Variants in NCALD observed in about 807,000 individuals in gnomAD.
NCALD encodes neurocalcin delta, also known as neurocalcin-delta.
Under a neutral mutation model 18.6 loss-of-function variants are expected in NCALD, and 10 were observed. That is an observed-to-expected ratio of 0.54 (90% confidence interval 0.33 to 0.91). The LOEUF is 0.91. NCALD is among the 40% of genes least tolerant of loss of function. The pLI, the probability that NCALD is intolerant of heterozygous loss-of-function variation, is 0.03. For synonymous variants in NCALD, 88 were observed against 87.4 expected, an observed-to-expected ratio of 1.01 and a Z score of -0.04; for missense variants, 184 against 247.6, an observed-to-expected ratio of 0.74 and a Z score of 1.72.
At chr8:101,780,666 C>A (rs1314302084) in intron 1 of NCALD, among the ~76,000 whole-genome samples, 1 of 151,800 alleles carries the variant, frequency 6.6e-6, no homozygotes, top group Non-Finnish European at 1.5e-5. Flanking sequence ...CACAACAATG[C>A]GAATGTACTT....
chr8:101,833,866 T>G (rs1192311566), intron 4 of NCALD, among the ~76,000 whole-genome samples: 2 of 152,216 alleles, frequency 1.3e-5, no homozygotes, highest in Non-Finnish European at 2.9e-5. Flanking sequence ...GAAGGAATAG[T>G]TAGCACAAGA....
At chr8:101,980,776 A>G (rs1820591511) in intron 2 of NCALD, among the ~76,000 whole-genome samples, 2 of 152,192 alleles carry the variant, frequency 1.3e-5, no homozygotes, top group Admixed American at 1.3e-4. Flanking sequence ...TTACCCATGA[A>G]AGCAGTGAGT....
intron 3 of NCALD, among the ~76,000 whole-genome samples, chr8:101,912,440 T>C (rs1314952285): frequency 6.6e-6 from 1 of 152,246 alleles, no homozygotes; most frequent in African/African-American, 2.4e-5. Flanking sequence ...AGGGAAATGA[T>C]GATGTATTTA....
At position 101,690,678 on chromosome 8, in the gene NCALD, G is replaced by A. The variant is rs184715858; in HGVS notation, c.485-1272C>T. ...TGAAACCCACTTTATCTCCATGAAG[G>A]AAAAAGATAGGGATGCATTTATTAA... On this transcript the variant is annotated intron_variant, in intron 3 of 3. Transcript: ENST00000220931. 7.3e-5 allele frequency: 72 copies of A among 985,404 alleles called. No homozygotes were observed. The African/African-American group carries it at 1.0e-3, about 14-fold the overall frequency. The allele number at this position is 985,404 out of a possible 1,614,324, so 61.0% of individuals were successfully genotyped here.
intron 1 of NCALD, among the ~76,000 whole-genome samples, chr8:102,121,216 G>C (rs537292409): frequency 3.9e-5 from 6 of 151,988 alleles, no homozygotes; most frequent in Non-Finnish European, 8.8e-5. Context: ...GTGTTTTGTT[G>C]TGTTGTGTTG....
chr8:101,804,336 C>CAATTATATATTATATATAATTATATA lies in NCALD; in HGVS notation c.-20+82804_-20+82805insTATATAATTATATATAATATATAATT, dbSNP rs1563785731. Reference sequence around the variant, plus strand: ...AATTATATATTATATATAATTATATCAATTATATATTATATATAATTATAT... The same window carrying CAATTATATATTATATATAATTATATA: ...AATTATATATTATATATAATTATATCAATTATATATTATATATAATTATATAAATTATATATTATATATAATTATAT... On this transcript the variant is annotated intron_variant, in intron 4 of 6. Transcript: ENST00000311028. Among the ~76,000 whole-genome samples the CAATTATATATTATATATAATTATATA allele has an allele frequency of 3.4e-4, 44 of 131,148 alleles. No homozygotes were observed. In the East Asian group the frequency reaches 5.1e-3, roughly 15 times the overall value. 86.0% of individuals were successfully genotyped at this position (131,148 alleles called of 152,430 possible).
intron 1 of NCALD, among the ~76,000 whole-genome samples, chr8:102,033,343 GA>G (rs1279113164): frequency 6.6e-6 from 1 of 152,092 alleles, no homozygotes; most frequent in Admixed American, 6.6e-5. Flanking sequence ...TATCTTACAG[GA>G]TGTAGTACAT....
At chr8:101,861,898 G>C (rs549116138) in intron 4 of NCALD, among the ~76,000 whole-genome samples, 36 of 152,184 alleles carry the variant, frequency 2.4e-4, no homozygotes, top group Admixed American at 3.9e-4. Context: ...TCCAGGTACT[G>C]TTTATTTTTT....
chr8:101,770,825 G>A (rs1247571468), intron 1 of NCALD, among the ~76,000 whole-genome samples: 1 of 152,172 alleles, frequency 6.6e-6, no homozygotes, highest in African/African-American at 2.4e-5. Context: ...TATGCGGGTT[G>A]AAGACTGTTT....
chr8:101,985,456 G>T (rs1252862455), intron 2 of NCALD, among the ~76,000 whole-genome samples: 2 of 152,162 alleles, frequency 1.3e-5, no homozygotes, highest in Non-Finnish European at 2.9e-5. Flanking sequence ...AAACTTTCCT[G>T]GTAATTCCAA....
At chr8:101,706,580 T>C (rs1459831000) in intron 2 of NCALD, among the ~76,000 whole-genome samples, 6 of 152,246 alleles carry the variant, frequency 3.9e-5, no homozygotes, top group African/African-American at 1.4e-4. Context: ...CCTGTGAATG[T>C]GACCTTGTTT....
At chr8:101,887,216 GA>G (rs1816707857) in exon 4 of NCALD, 1 of 152,148 alleles carries the variant, frequency 6.6e-6, no homozygotes, top group Admixed American at 6.5e-5. Context: ...CAGGAGATCA[GA>G]TGCCTTGCAA....
At chr8:101,911,357 T>A (rs1479497374) in intron 3 of NCALD, among the ~76,000 whole-genome samples, 6 of 142,110 alleles carry the variant, frequency 4.2e-5, no homozygotes, top group Non-Finnish European at 7.5e-5. Flanking sequence ...CTTTTTTTTC[T>A]TTTCTTTTTT....
At chr8:101,914,019 T>G (rs1311451293) in intron 3 of NCALD, among the ~76,000 whole-genome samples, 1 of 152,254 alleles carries the variant, frequency 6.6e-6, no homozygotes, top group Non-Finnish European at 1.5e-5. Flanking sequence ...CATGGTACAT[T>G]TATCACATTT....
intron 3 of NCALD, among the ~76,000 whole-genome samples, chr8:101,888,637 A>G (rs1816762334): frequency 6.6e-6 from 1 of 151,858 alleles, no homozygotes; most frequent in African/African-American, 2.4e-5. Flanking sequence ...GGCTGGTCTC[A>G]AACTCCAGGC....
chr8:101,741,763 CAAAAAAAAAAA>C (rs68064092), intron 1 of NCALD, among the ~76,000 whole-genome samples: 1 of 69,794 alleles, frequency 1.4e-5, no homozygotes, highest in Admixed American at 1.7e-4. Flanking sequence ...CTCATCTCTA[CAAAAAAAAAAA>C]AAAAAAAAAA....
chr8:101,980,641 A>T (rs1012137713), intron 2 of NCALD, among the ~76,000 whole-genome samples: 2 of 152,190 alleles, frequency 1.3e-5, no homozygotes, highest in Non-Finnish European at 2.9e-5. Context: ...TCTTTGGAAG[A>T]CGGTTTTACA....
chr8:101,880,821 G>C (rs1217618097), intron 4 of NCALD, among the ~76,000 whole-genome samples: 1 of 152,192 alleles, frequency 6.6e-6, no homozygotes. Context: ...AAAGTGCAAA[G>C]ATGACCCGGG....
At chr8:101,794,329 G>C (rs6468796), upstream of NCALD, among the ~76,000 whole-genome samples, 121,555 of 152,084 alleles carry the variant, frequency 0.8, 48,725 homozygotes, top group African/African-American at 0.85. Flanking sequence ...CTCAACTATT[G>C]GGAAATAAAT....
Sources: allele counts gnomAD v4.1 joint callset (sites outside exome capture counted in the v4.1 genomes callset), GRCh38; gene constraint gnomAD v4.1.1; transcripts MANE v1.5; gene names NCBI Gene and HGNC (gene_info 2026-07-23, HGNC 2026-07-21).